Variants in LRP8 observed in about 807,000 individuals in gnomAD.
The protein encoded by LRP8 is LDL receptor related protein 8, also known as low-density lipoprotein receptor-related protein 8.
Under a neutral mutation model 111.6 loss-of-function variants are expected in LRP8, and 46 were observed. The observed-to-expected ratio is 0.41, with a 90% CI of 0.33 to 0.53. LRP8 has a LOEUF of 0.53. LRP8 is among the 20% of genes least tolerant of loss of function. The pLI, the probability that LRP8 is intolerant of heterozygous loss-of-function variation, is 0.20. For missense variants in LRP8, 959 were observed against 1,297.4 expected, an observed-to-expected ratio of 0.74 and a Z score of 4.01; for synonymous variants, 464 against 511.2, an observed-to-expected ratio of 0.91 and a Z score of 1.24.
Position 53,250,616 on chromosome 1 carries a change from A to G in LRP8, c.2676+74T>C. On this transcript the variant is annotated intron_variant, in intron 17 of 18. Coordinates refer to ENST00000306052, the MANE Select transcript of LRP8 (RefSeq NM_004631.5). The surrounding 1 kb of genome is among the most constrained non-coding windows in gnomAD (Gnocchi z 4.6). ...GGGAAGAAAGGATGGGAAGGAAGAAAGGATGGGAGGGGAAGAAAGGATGGA... is the reference window on the plus strand; with the variant it reads ...GGGAAGAAAGGATGGGAAGGAAGAAGGGATGGGAGGGGAAGAAAGGATGGA... 2 of 1,334,378 alleles carry G rather than the reference A, an allele frequency of 1.5e-6. No individual in the cohort carries two copies. The highest frequency in any genetic ancestry group is 2.1e-6 in the Non-Finnish European group (2 of 947,296). The allele number at this position is 1,334,378 out of a possible 1,614,324, so 82.7% of individuals were successfully genotyped here. A position where few individuals can be genotyped will look rare whatever the true frequency, so the allele number is the denominator to read the frequency against.
chr1:53,296,386 T>C (rs1287040346), intron 2 of LRP8, among the ~76,000 whole-genome samples: 1 of 152,196 alleles, frequency 6.6e-6, no homozygotes, highest in East Asian at 1.9e-4. Flanking sequence ...CAGAAGGGAC[T>C]TGGATGTTCC....
rs372738649 is a variant in LRP8 at position 53,244,877 on chromosome 1, TAAAAG to T, written c.*2136_*2140del. Reference sequence around the variant, plus strand: ...CAAAAATAATTTTACTTTCCGTTCTTAAAAGAATAGTAATATGTGAGTAAGCTCCA... The same window carrying T: ...CAAAAATAATTTTACTTTCCGTTCTTAATAGTAATATGTGAGTAAGCTCCA... On this transcript the variant is annotated 3_prime_UTR_variant, in exon 19 of 19. Coordinates refer to ENST00000306052, the MANE Select transcript of LRP8 (RefSeq NM_004631.5). 2.1e-4 allele frequency: 32 copies of T among 152,358 alleles called. 1 individual carries two copies. In the East Asian group the frequency reaches 5.8e-3, roughly 27 times the overall value. 9.4% of individuals were successfully genotyped at this position (152,358 alleles called of 1,614,324 possible). A position where few individuals can be genotyped will look rare whatever the true frequency, so the allele number is the denominator to read the frequency against.
At chr1:53,306,624 TGC>T (rs1450848237) in intron 2 of LRP8, among the ~76,000 whole-genome samples, 1 of 152,160 alleles carries the variant, frequency 6.6e-6, no homozygotes, top group Non-Finnish European at 1.5e-5. Context: ...TTTACTTCAC[TGC>T]CATGAGCCAT....
At chr1:53,283,363 C>A (rs1187467422) in intron 3 of LRP8, among the ~76,000 whole-genome samples, 1 of 151,984 alleles carries the variant, frequency 6.6e-6, no homozygotes, top group Non-Finnish European at 1.5e-5. Flanking sequence ...TGCGGGCTGC[C>A]AGTGCAAATT....
chr1:53,322,137 A>G (rs1436625899), intron 2 of LRP8, among the ~76,000 whole-genome samples: 1 of 152,038 alleles, frequency 6.6e-6, no homozygotes, highest in African/African-American at 2.4e-5. Context: ...ACCCACTGCC[A>G]TTCACTGAAC....
chr1:53,284,215 C>T (rs563365107), intron 3 of LRP8, among the ~76,000 whole-genome samples: 95 of 148,366 alleles, frequency 6.4e-4, no homozygotes, highest in African/African-American at 2.3e-3. Flanking sequence ...ACTACATACC[C>T]GGGCCACTTA....
In LRP8 at chr1:53,250,747, T is replaced by A. The variant is rs549507345; in HGVS notation, c.2619A>T (p.Glu873Asp). The A allele has an allele frequency of 6.1e-5, 99 of 1,613,740 alleles. No homozygotes were observed. The highest frequency in any genetic ancestry group is 8.9e-5 in the East Asian group (4 of 44,896). Residue 873 changes from glutamate (E) to aspartate (D), a missense_variant, in exon 17 of 19, where the codon GAA becomes GAT. This residue lies in a region of LRP8 where 819 missense variants were observed against 1,097.6 expected (regional missense o/e 0.75). Transcript: ENST00000306052. This position sits in a 1 kb window ranked among gnomAD's most constrained non-coding sequence, Gnocchi z 4.6. Reference sequence around the variant, plus strand: ...TCCCTATATGGAGCTCATCTTCGTCTTCTTCTTCTGTTGTTTTCCTGTAGA... The same window carrying A: ...TCCCTATATGGAGCTCATCTTCGTCATCTTCTTCTGTTGTTTTCCTGTAGA... ...NPVYRKTTEE[E>D]DEDELHIGRT...
At chr1:53,295,706 G>A (rs1000355097) in intron 2 of LRP8, among the ~76,000 whole-genome samples, 4 of 152,178 alleles carry the variant, frequency 2.6e-5, no homozygotes, top group East Asian at 1.9e-4. Flanking sequence ...TGATGCCCAC[G>A]GTTTATAAAG....
At chr1:53,264,115 A>G in intron 10 of LRP8, 54 bp downstream of exon 10, 4 of 1,545,950 alleles carry the variant, frequency 2.6e-6, no homozygotes, top group Non-Finnish European at 3.6e-6. Flanking sequence ...TGACAGACAC[A>G]AGAGGACTGA....
Position 53,275,581 on chromosome 1 carries a change from G to A in LRP8, c.1006+50C>T, listed in dbSNP as rs200951484. The A allele has an allele frequency of 4.4e-6, 7 of 1,606,632 alleles. No homozygotes were observed. In the East Asian group the frequency reaches 1.6e-4, roughly 36 times the overall value. On this transcript the variant is annotated intron_variant, in intron 6 of 18. Transcript: ENST00000306052. The surrounding 1 kb of genome is among the most constrained non-coding windows in gnomAD (Gnocchi z 4.4). ...CTCTGCCCTCTGGAGAGTTACCAGA[G>A]CCTAGGGCATCCTCACAGAGGATGT...
intron 2 of LRP8, chr1:53,291,885 C>G (rs956816144): frequency 1.3e-5 from 2 of 152,198 alleles, no homozygotes; most frequent in African/African-American, 4.8e-5. Context: ...TCACTGATTG[C>G]GAGTCCAACA....
intron 2 of LRP8, among the ~76,000 whole-genome samples, chr1:53,324,896 G>T (rs989377086): frequency 6.6e-6 from 1 of 152,220 alleles, no homozygotes; most frequent in Admixed American, 6.5e-5. Flanking sequence ...TCCTGACCAA[G>T]TTCTGTCATC....
chr1:53,272,326 G>A (rs778267566), intron 6 of LRP8, among the ~76,000 whole-genome samples: 2 of 152,138 alleles, frequency 1.3e-5, no homozygotes, highest in Non-Finnish European at 2.9e-5. Flanking sequence ...CAGGGTCTTA[G>A]GGGAGGTCAG....
rs1456452985 is a variant in LRP8 at position 53,280,677 on chromosome 1, G to A, written c.406C>T (p.Pro136Ser). The A allele has an allele frequency of 6.2e-7, 1 of 1,612,776 alleles. No homozygotes were observed. The highest frequency in any genetic ancestry group is 1.7e-5 in the Admixed American group (1 of 60,028). The change falls in exon 4 of 19, where the codon CCC becomes TCC. Residue 136 changes from proline (P) to serine (S), a missense_variant. Coordinates refer to ENST00000306052, the MANE Select transcript of LRP8 (RefSeq NM_004631.5). ...VCPAEKLSCG[P>S]TSHKCVPASW... ...GCAGGTACACACTTGTGGCTGGTGGGTCCACAGCTCAGCTTCTCTGCAGGA... is the reference window on the plus strand; with the variant it reads ...GCAGGTACACACTTGTGGCTGGTGGATCCACAGCTCAGCTTCTCTGCAGGA...
At chr1:53,251,223 C>T (rs1309163519) in intron 16 of LRP8, among the ~76,000 whole-genome samples, 1 of 152,106 alleles carries the variant, frequency 6.6e-6, no homozygotes, top group Non-Finnish European at 1.5e-5. Context: ...ACTCTCTACG[C>T]CCAGTTCCTA....
rs759391394 is a variant in LRP8 at position 53,249,402 on chromosome 1, T to C, written c.2831A>G (p.Glu944Gly). ...LHQLPKNPLS[E>G]LPVVKSKRVA... Reference sequence around the variant, plus strand: ...TACCTTGGATTTGACGACAGGCAGCTCGGAAAGAGGGTTCTTCGGGAGTTG... The same window carrying C: ...TACCTTGGATTTGACGACAGGCAGCCCGGAAAGAGGGTTCTTCGGGAGTTG... Residue 944 changes from glutamate to glycine, a missense_variant, in exon 18 of 19, where the codon GAG (glutamate) becomes GGG (glycine). Coordinates refer to ENST00000306052, the MANE Select transcript of LRP8 (RefSeq NM_004631.5). The surrounding 1 kb of genome is among the most constrained non-coding windows in gnomAD (Gnocchi z 4.1). 6.2e-7 allele frequency: 1 copy of C among 1,614,178 alleles called. No individual in the cohort carries two copies. The highest frequency in any genetic ancestry group is 1.7e-5 in the Admixed American group (1 of 60,038).
intron 2 of LRP8, among the ~76,000 whole-genome samples, chr1:53,297,310 T>C (rs1649921221): frequency 6.6e-6 from 1 of 152,220 alleles, no homozygotes; most frequent in Non-Finnish European, 1.5e-5. Context: ...CTCTGATGCC[T>C]TCCCTGAAAG....
chr1:53,250,328 CT>C lies in LRP8; in HGVS notation c.2676+361del, dbSNP rs1399228844. On this transcript the variant is annotated intron_variant, in intron 17 of 18. Transcript: ENST00000306052. The surrounding 1 kb of genome is among the most constrained non-coding windows in gnomAD (Gnocchi z 4.6). ...ACTGAGCAGAAAGAGAGACATTTGG[CT>C]TTTTTTACTGCCAGGAAGAGCCTCT... Among the ~76,000 whole-genome samples the C allele has an allele frequency of 1.3e-5, 2 of 152,136 alleles. No individual in the cohort carries two copies. The highest frequency in any genetic ancestry group is 2.9e-5 in the Non-Finnish European group (2 of 68,034).
At position 53,271,286 on chromosome 1, in the gene LRP8, A is replaced by G. The variant is rs146657189; in HGVS notation, c.1067T>C (p.Ile356Thr). 1.9e-4 allele frequency: 306 copies of G among 1,613,800 alleles called. No individual in the cohort carries two copies. The highest frequency in any genetic ancestry group is 2.4e-4 in the Non-Finnish European group (288 of 1,180,002). Reference sequence around the variant, plus strand: ...TGCTGGGCACGTGCATTCAAAGCCAATCTTGAGGTCAGTGCAGATGTGTGA... The same window carrying G: ...TGCTGGGCACGTGCATTCAAAGCCAGTCTTGAGGTCAGTGCAGATGTGTGA... The part of the protein sequence containing the change: ...GCSHICTDLK[I>T]GFECTCPAGF... The change falls in exon 7 of 19, where the codon ATT (isoleucine) becomes ACT (threonine). Residue 356 changes from isoleucine to threonine, a missense_variant. This residue lies in a region of LRP8 where 819 missense variants were observed against 1,097.6 expected (regional missense o/e 0.75). Transcript: ENST00000306052.
Sources: gnomAD v4.1 joint callset for allele counts (sites outside exome capture counted in the v4.1 genomes callset) on GRCh38, gnomAD v4.1.1 for gene constraint, gnomAD v4.1.1 regional missense constraint, Gnocchi (gnomAD v3.1) non-coding constraint, MANE v1.5 for transcripts, NCBI Gene and HGNC (gene_info 2026-07-23, HGNC 2026-07-21) for gene names.